ANKRD11: variants seen among roughly 807,000 people sequenced by gnomAD.
ANKRD11 encodes ankyrin repeat domain-containing protein 11.
A neutral mutation model predicts 195.7 loss-of-function variants in ANKRD11; 17 were observed. The ratio of observed to expected loss-of-function variants is 0.09; its 90% CI spans 0.06 to 0.13. The LOEUF (loss-of-function observed/expected upper bound fraction) is 0.13, where lower values mean the gene tolerates loss of function less well. Among genes scored for constraint, ANKRD11 ranks in the 10% least tolerant of loss-of-function variants. ANKRD11 has a pLI of 1.00. For missense variants in ANKRD11, 3,735 were observed against 3,566.1 expected (o/e 1.05, Z -1.21); for synonymous variants, 1,953 against 1,528.1 (o/e 1.28, Z -6.49).
At chr16:89,413,567 G>A (rs900012113) in intron 2 of ANKRD11, among the ~76,000 whole-genome samples, 5 of 152,184 alleles carry the variant, frequency 3.3e-5, no homozygotes, top group Admixed American at 2.6e-4. Flanking sequence ...GGAGCTTGCA[G>A]TGAGCCGAGG....
intron 2 of ANKRD11, 38 bp from the exon 3 acceptor site, chr16:89,317,116 G>T (rs768466561): frequency 1.4e-6 from 2 of 1,379,348 alleles, no homozygotes; most frequent in African/African-American, 1.4e-5. Context: ...TGAATTCAGA[G>T]GCAGCTCAAA....
intron 6 of ANKRD11, among the ~76,000 whole-genome samples, chr16:89,289,400 G>A (rs1278470267): frequency 6.6e-6 from 1 of 152,246 alleles, no homozygotes; most frequent in Non-Finnish European, 1.5e-5. Flanking sequence ...CCCTTACACT[G>A]TGGACAGACA....
At chr16:89,277,155 G>GC (rs1287824979) in intron 9 of ANKRD11, among the ~76,000 whole-genome samples, 26 of 152,172 alleles carry the variant, frequency 1.7e-4, no homozygotes, top group African/African-American at 2.4e-5. Flanking sequence ...GACGAGCCCA[G>GC]CCCCCCAGTG....
chr16:89,358,348 A>T (rs1001438732), intron 2 of ANKRD11, among the ~76,000 whole-genome samples: 4 of 152,250 alleles, frequency 2.6e-5, no homozygotes, highest in African/African-American at 9.6e-5. Flanking sequence ...CATCATCTAC[A>T]CAACAGCTTC....
intron 2 of ANKRD11, among the ~76,000 whole-genome samples, chr16:89,327,709 G>GAC (rs10624951): frequency 0.94 from 142,910 of 152,158 alleles, 67,215 homozygotes; most frequent in African/African-American, 0.99. Flanking sequence ...ATGAAATAAA[G>GAC]ACAGTACCAT....
intron 12 of ANKRD11, among the ~76,000 whole-genome samples, chr16:89,269,542 C>T (rs138952920): frequency 7.9e-5 from 12 of 151,506 alleles, no homozygotes; most frequent in South Asian, 2.1e-4. Flanking sequence ...TTCCAAACTC[C>T]GGTGAGTCAC....
intron 4 of ANKRD11, chr16:89,300,862 A>G (rs1384946504): frequency 1.4e-6 from 1 of 702,146 alleles, no homozygotes; most frequent in Non-Finnish European, 2.6e-6. Context: ...CCCTTGTTCC[A>G]AAGAAACATC....
rs750132258 is a variant in ANKRD11, at chr16:89,281,861, G to A, written c.4681C>T (p.Pro1561Ser). Reference protein sequence around the residue: ...GNDKVAPSKDPGKKDARPREK... With the variant: ...GNDKVAPSKDSGKKDARPREK... ...CTGGGCCTGGCGTCTTTCTTGCCTG[G>A]GTCTTTGGATGGCGCTACCTTATCA... Residue 1561 changes from proline to serine, a missense_variant, in exon 9 of 13, where the codon CCA (proline) becomes TCA (serine). Transcript: ENST00000301030. The surrounding 1 kb of genome is among the most constrained non-coding windows in gnomAD (Gnocchi z 5.5). 2.6e-5 allele frequency: 42 copies of A among 1,613,846 alleles called. No individual in the cohort carries two copies. The highest frequency in any genetic ancestry group is 1.6e-4 in the Middle Eastern group (1 of 6,084).
At chr16:89,423,034 G>A (rs1216792449) in intron 1 of ANKRD11, among the ~76,000 whole-genome samples, 1 of 152,114 alleles carries the variant, frequency 6.6e-6, no homozygotes, top group African/African-American at 2.4e-5. Context: ...GAAAAACCAC[G>A]AGGCCTGTGG....
intron 3 of ANKRD11, among the ~76,000 whole-genome samples, chr16:89,311,364 C>T (rs192904157): frequency 6.6e-6 from 1 of 152,166 alleles, no homozygotes; most frequent in Non-Finnish European, 1.5e-5. Context: ...TCCTGTAGTA[C>T]CTTTGTCTGG....
At chr16:89,347,282 CTGTA>C (rs1473645222) in intron 2 of ANKRD11, among the ~76,000 whole-genome samples, 1 of 152,130 alleles carries the variant, frequency 6.6e-6, no homozygotes, top group African/African-American at 2.4e-5. Flanking sequence ...ATGTGTGTAC[CTGTA>C]TGTGTGTACG....
At chr16:89,480,935 C>T (rs990004318) in intron 1 of ANKRD11, among the ~76,000 whole-genome samples, 1 of 152,120 alleles carries the variant, frequency 6.6e-6, no homozygotes, top group Non-Finnish European at 1.5e-5. Flanking sequence ...AGAATGTGGG[C>T]AAATCACACC....
At chr16:89,293,186 G>C (rs948073102) in intron 4 of ANKRD11, among the ~76,000 whole-genome samples, 2 of 152,160 alleles carry the variant, frequency 1.3e-5, no homozygotes, top group Non-Finnish European at 2.9e-5. Flanking sequence ...AGAGCAGGGG[G>C]GTTAATGTTT....
intron 1 of ANKRD11, among the ~76,000 whole-genome samples, chr16:89,452,053 G>C (rs1250317364): frequency 1.3e-5 from 2 of 152,096 alleles, no homozygotes; most frequent in Non-Finnish European, 2.9e-5. Flanking sequence ...GACCTCAGGA[G>C]TTCAAGACCA....
chr16:89,469,861 A>G (rs1312174273), intron 1 of ANKRD11, among the ~76,000 whole-genome samples: 2 of 148,920 alleles, frequency 1.3e-5, no homozygotes, highest in Non-Finnish European at 1.5e-5. Context: ...TCGCGCCCGG[A>G]GACAGAGTGA....
intron 1 of ANKRD11, among the ~76,000 whole-genome samples, chr16:89,478,515 G>A (rs2057335409): frequency 6.6e-6 from 1 of 152,090 alleles, no homozygotes. Context: ...AGGTCTCAAG[G>A]ACCCACTGCC....
At chr16:89,461,315 G>A (rs867257933) in intron 1 of ANKRD11, among the ~76,000 whole-genome samples, 17 of 151,842 alleles carry the variant, frequency 1.1e-4, no homozygotes, top group African/African-American at 3.9e-4. Flanking sequence ...ATGGGTAGCC[G>A]GTGTCGTCTG....
chr16:89,348,938 G>A (rs1203485487), intron 2 of ANKRD11, among the ~76,000 whole-genome samples: 3 of 148,664 alleles, frequency 2.0e-5, no homozygotes, highest in African/African-American at 2.5e-5. Context: ...GACCAGCCTC[G>A]TCAACATGGT....
intron 2 of ANKRD11, among the ~76,000 whole-genome samples, chr16:89,371,364 T>C (rs2040184321): frequency 6.6e-6 from 1 of 152,160 alleles, no homozygotes. Flanking sequence ...ATTCTACCAT[T>C]TGGTGTCGTT....
Sources: allele counts gnomAD v4.1 joint callset (sites outside exome capture counted in the v4.1 genomes callset), GRCh38; gene constraint gnomAD v4.1.1; non-coding constraint Gnocchi (gnomAD v3.1); transcripts MANE v1.5; gene names NCBI Gene and HGNC (gene_info 2026-07-23, HGNC 2026-07-21).